Variants in IL1R1 observed in about 807,000 individuals in gnomAD.
IL1R1 encodes interleukin 1 receptor type 1, also known as interleukin-1 receptor type 1.
In IL1R1, 22 loss-of-function variants were observed where a neutral mutation model predicts 50.2. That is an observed-to-expected ratio of 0.44 (90% CI 0.31 to 0.63). The LOEUF is 0.63. Among genes scored for constraint, IL1R1 ranks in the 20% least tolerant of loss-of-function variants. IL1R1 has a pLI of 0.07. For synonymous variants in IL1R1, 251 were observed against 236.7 expected (o/e 1.06, Z -0.55); for missense variants, 509 against 676.2 (o/e 0.75, Z 2.74).
rs17026606 is a variant in IL1R1, at chr2:102,099,078, G to A, written c.-84+28545G>A. 5.0e-3 allele frequency among the ~76,000 whole-genome samples: 760 copies of A among 152,154 alleles called. 4 individuals carry two copies. The highest frequency in any genetic ancestry group is 0.018 in the African/African-American group (732 of 41,488). ...CACTAAAATAACTAAAAAAGGCACC[G>A]CGCCCAAAGTTCACAGAAATATACA... is the stretch of plus-strand genomic sequence containing the variant. On this transcript the variant is annotated intron_variant, in intron 1 of 11. Transcript: ENST00000409929.
At chr2:102,108,222 GTA>G (rs1401140954) in intron 1 of IL1R1, among the ~76,000 whole-genome samples, 29 of 137,496 alleles carry the variant, frequency 2.1e-4, no homozygotes, top group African/African-American at 6.6e-4. Flanking sequence ...GTGTGTGTGT[GTA>G]TGTATGTGTG....
chr2:102,154,554 C>T (rs1028993035), intron 2 of IL1R1, among the ~76,000 whole-genome samples: 2 of 152,112 alleles, frequency 1.3e-5, no homozygotes, highest in Admixed American at 6.5e-5. Context: ...TCTGTCCCTG[C>T]TTCTCCCCTC....
chr2:102,118,580 C>G (rs1681222389), intron 1 of IL1R1, among the ~76,000 whole-genome samples: 1 of 152,124 alleles, frequency 6.6e-6, no homozygotes, highest in African/African-American at 2.4e-5. Flanking sequence ...AACCCTTAAC[C>G]TGAGGTCTGT....
rs146113471 is a variant in IL1R1 at position 102,072,305 on chromosome 2, G to A, written c.-84+1772G>A. ...AAAAAATTCGTACACTTTACATATA[G>A]CACTGTTTACTTGGGCAATTATCTG... is the stretch of plus-strand genomic sequence containing the variant. On this transcript the variant is annotated intron_variant, in intron 1 of 11. Transcript: ENST00000409929. Among the ~76,000 whole-genome samples the A allele has an allele frequency of 5.6e-3, 843 of 151,376 alleles. 2 individuals are homozygous for A. The highest frequency in any genetic ancestry group is 8.5e-3 in the Non-Finnish European group (574 of 67,890).
At chr2:102,098,437 A>T (rs1679997167) in intron 1 of IL1R1, among the ~76,000 whole-genome samples, 1 of 152,216 alleles carries the variant, frequency 6.6e-6, no homozygotes, top group Admixed American at 6.5e-5. Flanking sequence ...AAGCACTGTA[A>T]TAAAATGAAC....
intron 1 of IL1R1, among the ~76,000 whole-genome samples, chr2:102,117,227 G>T (rs191802773): frequency 6.6e-6 from 1 of 152,112 alleles, no homozygotes; most frequent in African/African-American, 2.4e-5. Flanking sequence ...AAATAACAAC[G>T]CAAAGCACTG....
At chr2:102,158,642 A>G (rs1478785334) in intron 3 of IL1R1, among the ~76,000 whole-genome samples, 3 of 152,228 alleles carry the variant, frequency 2.0e-5, no homozygotes, top group Admixed American at 1.3e-4. Context: ...GAGGGAAGTC[A>G]TAAGGGACCA....
upstream of IL1R1, among the ~76,000 whole-genome samples, chr2:102,100,248 C>T (rs769149670): frequency 5.3e-5 from 8 of 152,190 alleles, no homozygotes; most frequent in Admixed American, 6.5e-5. Context: ...ACCCTCCCTC[C>T]TTTCCTGCAT....
chr2:102,161,154 A>G (rs1299826010), intron 3 of IL1R1, among the ~76,000 whole-genome samples: 1 of 152,210 alleles, frequency 6.6e-6, no homozygotes, highest in Non-Finnish European at 1.5e-5. Context: ...CTTATCATTC[A>G]GATACAAATA....
intron 1 of IL1R1, among the ~76,000 whole-genome samples, chr2:102,107,476 A>T (rs1680481268): frequency 6.8e-6 from 1 of 146,770 alleles, no homozygotes; most frequent in Non-Finnish European, 1.5e-5. Flanking sequence ...GGAACATCAC[A>T]CACCGGGGCC....
intron 6 of IL1R1, among the ~76,000 whole-genome samples, chr2:102,168,015 G>T (rs1442641958): frequency 6.6e-6 from 1 of 152,016 alleles, no homozygotes; most frequent in Non-Finnish European, 1.5e-5. Flanking sequence ...GGGGAATACC[G>T]AGTGCTCAAT....
At chr2:102,176,058 C>A in intron 11 of IL1R1, 1 of 451,014 alleles carries the variant, frequency 2.2e-6, no homozygotes, top group Non-Finnish European at 3.9e-6. Context: ...GTGGCTCATG[C>A]CTTTTATCTC....
chr2:102,121,463 T>A (rs1383179247), intron 1 of IL1R1, among the ~76,000 whole-genome samples: 1 of 152,224 alleles, frequency 6.6e-6, no homozygotes, highest in Non-Finnish European at 1.5e-5. Context: ...TGACTCAGTT[T>A]CTACTCCTTC....
At chr2:102,112,311 C>CGT (rs146015817) in intron 1 of IL1R1, among the ~76,000 whole-genome samples, 47,252 of 147,722 alleles carry the variant, frequency 0.32, 7,742 homozygotes, top group African/African-American at 0.41. Flanking sequence ...TGGGGATTAA[C>CGT]GTGTGTGTGT....
chr2:102,176,392 G>A lies in IL1R1; in HGVS notation c.1343G>A (p.Arg448Lys). Residue 448 changes from arginine (R) to lysine (K), a missense_variant, in exon 12 of 12, where the codon AGA becomes AAA. Physicochemically the swap from Arg to Lys is conservative, Grantham distance 26 (BLOSUM62 2). Transcript: ENST00000410023. ...EVINENVKKSRRLIIILVRET... is the reference protein window; with the variant it reads ...EVINENVKKSKRLIIILVRET... ...ATTAATGAAAACGTAAAGAAAAGCAGAAGACTGATTATCATTTTAGTCAGA... is the reference window on the plus strand; with the variant it reads ...ATTAATGAAAACGTAAAGAAAAGCAAAAGACTGATTATCATTTTAGTCAGA... 2.5e-6 allele frequency: 4 copies of A among 1,614,182 alleles called. No homozygotes were observed. The highest frequency in any genetic ancestry group is 3.4e-6 in the Non-Finnish European group (4 of 1,180,026).
intron 6 of IL1R1, among the ~76,000 whole-genome samples, chr2:102,168,293 A>G (rs1685373099): frequency 6.6e-6 from 1 of 152,160 alleles, no homozygotes. Flanking sequence ...CTTTGCTGAC[A>G]TGCTTTCACT....
chr2:102,145,432 A>G (rs368914016), intron 1 of IL1R1, among the ~76,000 whole-genome samples: 1 of 152,126 alleles, frequency 6.6e-6, no homozygotes, highest in Non-Finnish European at 1.5e-5. Context: ...CTCACCAGGT[A>G]CTGAAAGGGG....
intron 6 of IL1R1, among the ~76,000 whole-genome samples, chr2:102,168,016 A>G (rs952114373): frequency 2.0e-5 from 3 of 152,292 alleles, no homozygotes. Flanking sequence ...GGGAATACCG[A>G]GTGCTCAATT....
upstream of IL1R1, among the ~76,000 whole-genome samples, chr2:102,104,047 A>G (rs368878413): frequency 4.2e-4 from 62 of 149,014 alleles, 1 homozygote; most frequent in East Asian, 0.012. Flanking sequence ...TCCTAGGTGG[A>G]TCTGGCTGCA....
Sources: gnomAD v4.1 joint callset for allele counts (sites outside exome capture counted in the v4.1 genomes callset) on GRCh38, gnomAD v4.1.1 for gene constraint, MANE v1.5 for transcripts, NCBI Gene and HGNC (gene_info 2026-07-23, HGNC 2026-07-21) for gene names.